The following ACOX3 variants were observed in gnomAD, a reference collection of about 807,000 sequenced individuals.
ACOX3 encodes peroxisomal acyl-coenzyme A oxidase 3.
In ACOX3, 73 loss-of-function variants were observed where a neutral mutation model predicts 81.5. The ratio of observed to expected loss-of-function variants is 0.90; its 90% CI spans 0.74 to 1.09. The LOEUF is 1.09. Ranked by LOEUF, ACOX3 falls within the 50% of genes least tolerant of loss-of-function variation. The probability of loss-of-function intolerance (pLI) is 0.00; values close to 1 mark genes in which losing one functional copy is unlikely to be tolerated. For synonymous variants in ACOX3, 387 were observed against 375.1 expected (o/e 1.03, Z -0.37); for missense variants, 947 against 928.0 (o/e 1.02, Z -0.27).
rs1716075075 is a variant in ACOX3, at chr4:8,370,686, G to A, written c.1983+222C>T. Among the ~76,000 whole-genome samples the A allele has an allele frequency of 6.6e-6, 1 of 152,118 alleles. No homozygotes were observed. The highest frequency in any genetic ancestry group is 2.4e-5 in the African/African-American group (1 of 41,416). Reference sequence around the variant, plus strand: ...CCACCACCCCATCTCGGGAGGAAAAGGCAGGCAGGGGATGGGCAAGTCCCC... The same window carrying A: ...CCACCACCCCATCTCGGGAGGAAAAAGCAGGCAGGGGATGGGCAAGTCCCC... On this transcript the variant is annotated intron_variant, in intron 17 of 17. Coordinates refer to ENST00000356406, the MANE Select transcript of ACOX3 (RefSeq NM_003501.3). The surrounding 1 kb of genome is among the most constrained non-coding windows in gnomAD (Gnocchi z 6.3).
chr4:8,412,748 T>C (rs1456465327), intron 5 of ACOX3, among the ~76,000 whole-genome samples: 1 of 152,020 alleles, frequency 6.6e-6, no homozygotes, highest in Non-Finnish European at 1.5e-5. Context: ...AGTCATGTGG[T>C]GGCAGGGAGG....
At position 8,432,529 on chromosome 4, in the gene ACOX3, G is replaced by A. The variant is rs370738955; in HGVS notation, c.-15+8119C>T. Among the ~76,000 whole-genome samples the A allele has an allele frequency of 5.3e-5, 8 of 151,938 alleles. No individual in the cohort carries two copies. Among genetic ancestry groups the A allele is most frequent in the Non-Finnish European group, 1.0e-4 (7 of 67,994 alleles). On this transcript the variant is annotated intron_variant, in intron 1 of 17. Transcript: ENST00000356406. This position sits in a 1 kb window ranked among gnomAD's most constrained non-coding sequence, Gnocchi z 6.2. ...ATTACAGGCGTGAGCCACCGCGCCCGGCCTGATTTTTTTTTTTAATTATAA... is the reference window on the plus strand; with the variant it reads ...ATTACAGGCGTGAGCCACCGCGCCCAGCCTGATTTTTTTTTTTAATTATAA...
rs533639962 is a variant in ACOX3, at chr4:8,406,896, G to A, written c.688-853C>T. Among the ~76,000 whole-genome samples the A allele has an allele frequency of 2.4e-4, 37 of 152,296 alleles. No homozygotes were observed. The highest frequency in any genetic ancestry group is 8.7e-4 in the African/African-American group (36 of 41,572). ...GACGGTTAGTCCTCCGGATAACTGC[G>A]GGCAAGCCTGACAAATGTCAGGCCC... On this transcript the variant is annotated intron_variant, in intron 6 of 17. Transcript: ENST00000356406. This position sits in a 1 kb window ranked among gnomAD's most constrained non-coding sequence, Gnocchi z 5.6.
intron 8 of ACOX3, among the ~76,000 whole-genome samples, chr4:8,397,898 C>T (rs1313186758): frequency 3.3e-5 from 5 of 152,240 alleles, no homozygotes; most frequent in Non-Finnish European, 4.4e-5. Context: ...CGGCGGCTCA[C>T]GCCTGTAATC....
intron 9 of ACOX3, among the ~76,000 whole-genome samples, chr4:8,395,946 G>A (rs1034832191): frequency 2.0e-5 from 3 of 152,228 alleles, no homozygotes; most frequent in African/African-American, 2.4e-5. Flanking sequence ...ACTTTAACTG[G>A]ATTTCTTATT....
chr4:8,439,906 G>T (rs1724496389), intron 1 of ACOX3, among the ~76,000 whole-genome samples: 1 of 149,940 alleles, frequency 6.7e-6, no homozygotes, highest in African/African-American at 2.5e-5. Context: ...CATAAGACAG[G>T]AGGAAAAGAG....
intron 15 of ACOX3, chr4:8,374,735 G>A (rs977061795): frequency 4.9e-6 from 2 of 409,316 alleles, no homozygotes; most frequent in Non-Finnish European, 8.6e-6. Context: ...GGGCCTTCTG[G>A]AAGTGTTCTC....
Position 8,414,962 on chromosome 4 carries a change from C to CAGG in ACOX3, c.379-37_379-35dup, listed in dbSNP as rs761706109. The CAGG allele has an allele frequency of 8.8e-6, 14 of 1,599,954 alleles. No homozygotes were observed. The highest frequency in any genetic ancestry group is 1.0e-5 in the Non-Finnish European group (12 of 1,167,330). On this transcript the variant is annotated intron_variant, in intron 3 of 17. Transcript: ENST00000356406. The surrounding 1 kb of genome is among the most constrained non-coding windows in gnomAD (Gnocchi z 6.1). ...ATAACATCGTCCTATCAACAGGGGG[C>CAGG]AGGTAAGAAGAGTACTGCTCTTCCG...
rs1717629491 is a variant in ACOX3, at chr4:8,381,393, G to A, written c.1653+99C>T. On this transcript the variant is annotated intron_variant, in intron 14 of 17. Coordinates refer to ENST00000356406, the MANE Select transcript of ACOX3 (RefSeq NM_003501.3). This position sits in a 1 kb window ranked among gnomAD's most constrained non-coding sequence, Gnocchi z 4.3. ...CCAAGGTCACGGGAGCTCGGGGTCT[G>A]GGGCCTGAATTGCCAGGATGTTCAA... 1 of 1,076,964 alleles carries A rather than the reference G, an allele frequency of 9.3e-7. No homozygotes were observed. The highest frequency in any genetic ancestry group is 1.4e-5 in the South Asian group (1 of 69,476). 66.7% of individuals were successfully genotyped at this position (1,076,964 alleles called of 1,614,324 possible). A position where few individuals can be genotyped will look rare whatever the true frequency, so the allele number is the denominator to read the frequency against.
chr4:8,384,901 C>T lies in ACOX3; in HGVS notation c.1538-3294G>A, dbSNP rs571881939. Among the ~76,000 whole-genome samples, 8 of 152,288 alleles carry T rather than the reference C, an allele frequency of 5.3e-5. No individual in the cohort carries two copies. The highest frequency in any genetic ancestry group is 1.4e-4 in the African/African-American group (6 of 41,558). ...CGGTGCTCCCCAAAAGCACAACGCACGGACCCTCTGAGACACCCTCAGGTG... is the reference window on the plus strand; with the variant it reads ...CGGTGCTCCCCAAAAGCACAACGCATGGACCCTCTGAGACACCCTCAGGTG... On this transcript the variant is annotated intron_variant, in intron 13 of 17. Coordinates refer to ENST00000356406, the MANE Select transcript of ACOX3 (RefSeq NM_003501.3). The surrounding 1 kb of genome is among the most constrained non-coding windows in gnomAD (Gnocchi z 5.3).
At chr4:8,396,805 G>A in intron 9 of ACOX3, 132 bp downstream of exon 9, 7 of 1,077,418 alleles carry the variant, frequency 6.5e-6, no homozygotes, top group South Asian at 3.3e-5. Context: ...CCGCACTCCC[G>A]CTAACTAATC....
At chr4:8,390,018 G>T (rs888417000) in intron 11 of ACOX3, among the ~76,000 whole-genome samples, 3 of 150,656 alleles carry the variant, frequency 2.0e-5, no homozygotes, top group Non-Finnish European at 4.4e-5. Flanking sequence ...CAGGAGAATC[G>T]CTTGAGCCTG....
chr4:8,356,125 G>A, the ACOX3 span: 6 of 228,640 alleles, frequency 2.6e-5, no homozygotes, highest in South Asian at 1.5e-4. Flanking sequence ...TCTGCAGGCC[G>A]GGCTTTGTTG....
Position 8,432,513 on chromosome 4 carries a change from G to A in ACOX3, c.-15+8135C>T, listed in dbSNP as rs566773420. On this transcript the variant is annotated intron_variant, in intron 1 of 17. Transcript: ENST00000356406. This position sits in a 1 kb window ranked among gnomAD's most constrained non-coding sequence, Gnocchi z 6.2. ...CTCCCAATGTGCTGGGATTACAGGC[G>A]TGAGCCACCGCGCCCGGCCTGATTT... 2.3e-4 allele frequency among the ~76,000 whole-genome samples: 35 copies of A among 152,238 alleles called. No individual in the cohort carries two copies. The highest frequency in any genetic ancestry group is 1.6e-3 in the Admixed American group (25 of 15,302).
In ACOX3 at chr4:8,384,074, G is replaced by A. The variant is rs1296626234; in HGVS notation, c.1538-2467C>T. On this transcript the variant is annotated intron_variant, in intron 13 of 17. Coordinates refer to ENST00000356406, the MANE Select transcript of ACOX3 (RefSeq NM_003501.3). The surrounding 1 kb of genome is among the most constrained non-coding windows in gnomAD (Gnocchi z 5.3). Reference sequence around the variant, plus strand: ...ACTGCCCCAGGAGGTGTCCCTCTGCGGTGGACACTTCACGGCAGTTACCCG... The same window carrying A: ...ACTGCCCCAGGAGGTGTCCCTCTGCAGTGGACACTTCACGGCAGTTACCCG... Among the ~76,000 whole-genome samples, 1 of 152,154 alleles carries A rather than the reference G, an allele frequency of 6.6e-6. No individual in the cohort carries two copies. The highest frequency in any genetic ancestry group is 1.5e-5 in the Non-Finnish European group (1 of 68,034).
At chr4:8,428,635 A>G (rs1246111290) in intron 1 of ACOX3, 1 of 152,202 alleles carries the variant, frequency 6.6e-6, no homozygotes, top group East Asian at 1.9e-4. Flanking sequence ...CTCTGCTTTT[A>G]GGCAAGGCCT....
the ACOX3 span, among the ~76,000 whole-genome samples, chr4:8,359,756 C>T: frequency 5.3e-5 from 8 of 151,682 alleles, no homozygotes; most frequent in East Asian, 3.9e-4. This position sits in a 1 kb window ranked among gnomAD's most constrained non-coding sequence, Gnocchi z 6.0. Context: ...CCTCCCTGAG[C>T]GCCTCGCCTT....
chr4:8,370,910 C>A lies in ACOX3; in HGVS notation c.1981G>T (p.Glu661Ter). The change falls in exon 17 of 18, where the codon GAG (glutamate) becomes TAG (stop). Residue 661 changes from glutamate to a stop codon, truncating the protein, a stop_gained and splice_region_variant. Coordinates refer to ENST00000356406, the MANE Select transcript of ACOX3 (RefSeq NM_003501.3). LOFTEE classifies it low-confidence loss of function (END_TRUNC). This position sits in a 1 kb window ranked among gnomAD's most constrained non-coding sequence, Gnocchi z 6.3. ...LDSPIGRADG[E>*]LYKNLWGAVL... ...GTGAGGCCCTGTCCTCCCTTTACCT[C>A]GCCGTCGGCTCTGCCAATCGGTGAG... 6.2e-7 allele frequency: 1 copy of A among 1,613,696 alleles called. No homozygotes were observed. Among genetic ancestry groups the A allele is most frequent in the Non-Finnish European group, 8.5e-7 (1 of 1,179,926 alleles).
rs1723921950 is a variant in ACOX3 at position 8,431,046 on chromosome 4, G to A, written c.-15+9602C>T. On this transcript the variant is annotated intron_variant, in intron 1 of 17. Coordinates refer to ENST00000356406, the MANE Select transcript of ACOX3 (RefSeq NM_003501.3). The surrounding 1 kb of genome is among the most constrained non-coding windows in gnomAD (Gnocchi z 5.3). The stretch of plus-strand genomic sequence containing the variant: ...ATAAGGCCATCTTGGTGGAGCTGGA[G>A]GGTGGAGAGGGAGCTGAGTGGCTTT... Among the ~76,000 whole-genome samples the A allele has an allele frequency of 6.6e-6, 1 of 152,134 alleles. No homozygotes were observed. The highest frequency in any genetic ancestry group is 2.4e-5 in the African/African-American group (1 of 41,442).
Sources: gnomAD v4.1 joint callset for allele counts (sites outside exome capture counted in the v4.1 genomes callset) on GRCh38, gnomAD v4.1.1 for gene constraint, Gnocchi (gnomAD v3.1) non-coding constraint, MANE v1.5 for transcripts, NCBI Gene and HGNC (gene_info 2026-07-23, HGNC 2026-07-21) for gene names.